Variants in DNAH14 observed in about 807,000 individuals in gnomAD.
DNAH14 encodes the protein axonemal beta dynein heavy chain 14.
In DNAH14, 478 loss-of-function variants were observed where a neutral mutation model predicts 520.9. The observed-to-expected ratio is 0.92, with a 90% CI of 0.85 to 0.99. The LOEUF is 0.99. DNAH14 is among the 50% of genes least tolerant of loss of function. The probability of loss-of-function intolerance (pLI) is 0.00; values close to 1 mark genes in which losing one functional copy is unlikely to be tolerated. For synonymous variants in DNAH14, 1,581 were observed against 1,757.2 expected, an observed-to-expected ratio of 0.90 and a Z score of 2.51; for missense variants, 4,831 against 5,234.5, an observed-to-expected ratio of 0.92 and a Z score of 2.38.
At chr1:225,048,741 G>A (rs371284098) in intron 15 of DNAH14, among the ~76,000 whole-genome samples, 25 of 152,086 alleles carry the variant, frequency 1.6e-4, no homozygotes, top group African/African-American at 5.5e-4. Flanking sequence ...AGGATTGATG[G>A]GGCATATGGT....
intron 36 of DNAH14, among the ~76,000 whole-genome samples, chr1:225,172,393 C>T (rs1386045750): frequency 6.6e-6 from 1 of 152,174 alleles, no homozygotes; most frequent in African/African-American, 2.4e-5. Context: ...TCTCCTTAAG[C>T]TGATAAGCAA....
intron 49 of DNAH14, among the ~76,000 whole-genome samples, chr1:225,267,357 A>T (rs1050191951): frequency 6.7e-6 from 1 of 150,170 alleles, no homozygotes. Flanking sequence ...GCAGTGGCAC[A>T]ATCACGGCTC....
Position 225,367,851 on chromosome 1 carries a change from C to A in DNAH14, c.12137C>A (p.Thr4046Lys). The A allele has an allele frequency of 6.4e-7, 1 of 1,551,464 alleles. No individual in the cohort carries two copies. Among genetic ancestry groups the A allele is most frequent in the Non-Finnish European group, 8.7e-7 (1 of 1,146,846 alleles). ...PQGLKSNLLQTFGCTGSGEVT... is the reference protein window; with the variant it reads ...PQGLKSNLLQKFGCTGSGEVT... Reference sequence around the variant, plus strand: ...GGATTGAAAAGTAACTTACTTCAGACATTTGGATGTACTGGGAGTGGAGAG... The same window carrying A: ...GGATTGAAAAGTAACTTACTTCAGAAATTTGGATGTACTGGGAGTGGAGAG... The change falls in exon 77 of 86, where the codon ACA becomes AAA. Residue 4046 changes from threonine (T) to lysine (K), a missense_variant. Transcript: ENST00000682510.
chr1:225,220,374 G>C (rs933891455), intron 41 of DNAH14, among the ~76,000 whole-genome samples: 1 of 152,160 alleles, frequency 6.6e-6, no homozygotes, highest in Non-Finnish European at 1.5e-5. Context: ...AATTGCCTCT[G>C]TTCGCAAATG....
intron 41 of DNAH14, among the ~76,000 whole-genome samples, chr1:225,221,970 A>T (rs1343808815): frequency 6.6e-6 from 1 of 152,182 alleles, no homozygotes; most frequent in African/African-American, 2.4e-5. Context: ...TACTGAAAAA[A>T]TGCAATTATT....
At chr1:225,218,532 CTT>C (rs1363102694) in intron 41 of DNAH14, among the ~76,000 whole-genome samples, 1 of 150,506 alleles carries the variant, frequency 6.6e-6, no homozygotes, top group Non-Finnish European at 1.5e-5. Flanking sequence ...GTAAAACAGA[CTT>C]TTAACCAACA....
chr1:224,989,661 T>C (rs2062893839), intron 8 of DNAH14, among the ~76,000 whole-genome samples: 1 of 152,160 alleles, frequency 6.6e-6, no homozygotes, highest in Non-Finnish European at 1.5e-5. Flanking sequence ...AGGAAAGGAT[T>C]GAGTCTTTCA....
intron 23 of DNAH14, among the ~76,000 whole-genome samples, chr1:225,102,048 C>G (rs1052688948): frequency 8.2e-6 from 1 of 122,638 alleles, no homozygotes; most frequent in Non-Finnish European, 1.6e-5. Context: ...CCCCTCCCCC[C>G]ACCCCACAAC....
intron 17 of DNAH14, among the ~76,000 whole-genome samples, chr1:225,068,142 G>C (rs754947585): frequency 5.9e-5 from 9 of 152,044 alleles, no homozygotes; most frequent in Non-Finnish European, 1.3e-4. Context: ...TAAGGAAGGG[G>C]TTCAATTTCA....
intron 44 of DNAH14, among the ~76,000 whole-genome samples, chr1:225,253,972 C>T (rs1320265559): frequency 6.6e-6 from 1 of 151,940 alleles, no homozygotes; most frequent in Non-Finnish European, 1.5e-5. Flanking sequence ...GTTATGTGAC[C>T]AGATTAGATC....
At position 225,131,656 on chromosome 1, in the gene DNAH14, G is replaced by T. The variant is rs142755163; in HGVS notation, c.4254+8042G>T. 1.4e-4 allele frequency among the ~76,000 whole-genome samples: 21 copies of T among 152,204 alleles called. No homozygotes were observed. The East Asian group carries it at 4.1e-3, about 29-fold the overall frequency. ...TAAGGTGACATATTCACAGGTTCTG[G>T]GAATTAGGAAATGAATATCTTTGTA... On this transcript the variant is annotated intron_variant, in intron 27 of 85. Coordinates refer to ENST00000682510, the MANE Select transcript of DNAH14 (RefSeq NM_001367479.1).
intron 43 of DNAH14, among the ~76,000 whole-genome samples, chr1:225,242,361 G>A (rs533646070): frequency 6.6e-6 from 1 of 151,896 alleles, no homozygotes; most frequent in East Asian, 1.9e-4. Context: ...AAAACACATT[G>A]TGTAAAAATA....
intron 33 of DNAH14, among the ~76,000 whole-genome samples, 196 bp downstream of exon 33, chr1:225,153,079 A>T (rs954850467): frequency 4.6e-5 from 7 of 152,312 alleles, no homozygotes; most frequent in Non-Finnish European, 1.0e-4. Flanking sequence ...GGCAAACTGT[A>T]AAATCAGTCA....
intron 22 of DNAH14, among the ~76,000 whole-genome samples, chr1:225,100,486 T>C (rs947497204): frequency 9.9e-5 from 15 of 152,214 alleles, no homozygotes; most frequent in African/African-American, 3.6e-4. Flanking sequence ...GTATACTAAG[T>C]ATAATCTTGT....
chr1:224,941,024 G>A (rs138098188), intron 1 of DNAH14, among the ~76,000 whole-genome samples: 8,379 of 152,150 alleles, frequency 0.055, 468 homozygotes, highest in East Asian at 0.23. Context: ...AATCCTTTGG[G>A]TATATACCCA....
chr1:225,109,209 G>A (rs2076303968), intron 23 of DNAH14, among the ~76,000 whole-genome samples: 1 of 152,036 alleles, frequency 6.6e-6, no homozygotes, highest in Non-Finnish European at 1.5e-5. Flanking sequence ...GTCTTTTGTG[G>A]CTCAGTATAA....
chr1:225,392,317 T>C lies in DNAH14; in HGVS notation c.13357T>C (p.Tyr4453His), dbSNP rs2150859355. ...QAFLAAVLQD[Y>H]GRSRGIAVDA... ...CTTTCTTGCTGCTGTGCTTCAAGAC[T>C]ATGGGAGGTCCCGAGGAATCGCTGT... Residue 4453 changes from tyrosine (Y) to histidine (H), a missense_variant, in exon 84 of 86, where the codon TAT (tyrosine) becomes CAT (histidine). Coordinates refer to ENST00000682510, the MANE Select transcript of DNAH14 (RefSeq NM_001367479.1). 6.4e-7 allele frequency: 1 copy of C among 1,552,428 alleles called. No homozygotes were observed.
intron 30 of DNAH14, 122 bp downstream of exon 30, chr1:225,145,501 C>T (rs1014679239): frequency 5.5e-6 from 4 of 722,614 alleles, no homozygotes; most frequent in Non-Finnish European, 6.2e-6. Flanking sequence ...ATTAACAGAA[C>T]TTTAAATGCT....
At chr1:225,248,891 T>C (rs2092423776) in intron 43 of DNAH14, among the ~76,000 whole-genome samples, 1 of 152,194 alleles carries the variant, frequency 6.6e-6, no homozygotes, top group Non-Finnish European at 1.5e-5. Flanking sequence ...GTCCCTCTAT[T>C]AGAGTGGGGG....
Sources: allele counts gnomAD v4.1 joint callset (sites outside exome capture counted in the v4.1 genomes callset), GRCh38; gene constraint gnomAD v4.1.1; transcripts MANE v1.5; gene names NCBI Gene and HGNC (gene_info 2026-07-23, HGNC 2026-07-21).